SUGCT: variants seen among roughly 807,000 people sequenced by gnomAD.
SUGCT encodes succinyl-CoA:glutarate-CoA transferase.
A neutral mutation model predicts 55.0 loss-of-function variants in SUGCT; 41 were observed. That is an observed-to-expected ratio of 0.74 (90% confidence interval 0.58 to 0.97). The LOEUF is 0.97. SUGCT is among the 50% of genes least tolerant of loss of function. The pLI is 0.00. For synonymous variants in SUGCT, 187 were observed against 200.4 expected (o/e 0.93, Z 0.56); for missense variants, 568 against 547.8 (o/e 1.04, Z -0.37).
chr7:40,633,578 C>T (rs1799891094), intron 12 of SUGCT, among the ~76,000 whole-genome samples: 1 of 152,170 alleles, frequency 6.6e-6, no homozygotes, highest in Non-Finnish European at 1.5e-5. Flanking sequence ...GTGCTTGGTA[C>T]AAAATCAAGC....
At chr7:40,312,578 C>T (rs935314759) in intron 8 of SUGCT, among the ~76,000 whole-genome samples, 4 of 152,164 alleles carry the variant, frequency 2.6e-5, no homozygotes, top group African/African-American at 9.7e-5. Context: ...AGTGACCTAG[C>T]TCGTTCTAGC....
At chr7:40,797,087 T>A (rs1449260641) in intron 13 of SUGCT, among the ~76,000 whole-genome samples, 1 of 152,190 alleles carries the variant, frequency 6.6e-6, no homozygotes, top group African/African-American at 2.4e-5. Context: ...GTCTACAGCA[T>A]GCATTGCATA....
intron 6 of SUGCT, among the ~76,000 whole-genome samples, chr7:40,231,052 G>C (rs1788693629): frequency 6.6e-6 from 1 of 152,144 alleles, no homozygotes; most frequent in African/African-American, 2.4e-5. Flanking sequence ...ATCTTGTTTA[G>C]AAGGGATGAG....
chr7:40,200,963 C>T (rs1786561602), intron 6 of SUGCT, among the ~76,000 whole-genome samples: 2 of 152,044 alleles, frequency 1.3e-5, no homozygotes, highest in Non-Finnish European at 2.9e-5. Context: ...ATCACAGCAA[C>T]GGGAATACAA....
the SUGCT span, among the ~76,000 whole-genome samples, chr7:41,028,289 G>A: frequency 6.6e-6 from 1 of 152,170 alleles, no homozygotes; most frequent in African/African-American, 2.4e-5. Context: ...GAATAAGAGC[G>A]GTCAAAGAAA....
chr7:40,371,208 T>G (rs1784281318), intron 9 of SUGCT, among the ~76,000 whole-genome samples: 1 of 152,074 alleles, frequency 6.6e-6, no homozygotes, highest in Non-Finnish European at 1.5e-5. Flanking sequence ...TTGAAAAGAG[T>G]TTTTTGCTGT....
chr7:40,158,238 T>C (rs1783989913), intron 1 of SUGCT, among the ~76,000 whole-genome samples: 1 of 152,002 alleles, frequency 6.6e-6, no homozygotes, highest in South Asian at 2.1e-4. Flanking sequence ...TTTCCAATTA[T>C]GCAAGGTAGT....
At chr7:40,353,281 A>C (rs940143528) in intron 9 of SUGCT, among the ~76,000 whole-genome samples, 6 of 152,144 alleles carry the variant, frequency 3.9e-5, no homozygotes, top group African/African-American at 1.4e-4. Flanking sequence ...GGATTAGTCT[A>C]AATACGCAAA....
At chr7:40,512,055 T>G (rs1015172596) in intron 12 of SUGCT, among the ~76,000 whole-genome samples, 2 of 152,218 alleles carry the variant, frequency 1.3e-5, no homozygotes, top group Admixed American at 6.5e-5. Context: ...ACAAAACAGA[T>G]TTTTGCTAAT....
intron 13 of SUGCT, among the ~76,000 whole-genome samples, chr7:40,855,421 G>A (rs1459333467): frequency 6.6e-6 from 1 of 151,744 alleles, no homozygotes; most frequent in Non-Finnish European, 1.5e-5. Context: ...CTAAATCCTT[G>A]GGAGCATCTT....
intron 3 of SUGCT, 80 bp downstream of exon 3, chr7:40,182,108 T>C (rs1010374849): frequency 2.5e-6 from 2 of 805,500 alleles, no homozygotes; most frequent in Non-Finnish European, 4.1e-6. Flanking sequence ...CCATGTTTAG[T>C]GTACCTATAA....
chr7:40,888,186 G>A, the SUGCT span, among the ~76,000 whole-genome samples: 3 of 152,134 alleles, frequency 2.0e-5, no homozygotes, highest in Admixed American at 2.0e-4. Context: ...ACTGAAACCT[G>A]GGGCATCTCA....
chr7:40,147,276 C>T (rs1243846895), intron 1 of SUGCT, among the ~76,000 whole-genome samples: 1 of 152,070 alleles, frequency 6.6e-6, no homozygotes, highest in Non-Finnish European at 1.5e-5. Context: ...GAGGTTCAAC[C>T]CCCTCCCCAT....
chr7:40,575,775 G>A (rs963377212), intron 12 of SUGCT, among the ~76,000 whole-genome samples: 2 of 151,730 alleles, frequency 1.3e-5, no homozygotes, highest in Non-Finnish European at 2.9e-5. Flanking sequence ...GTGAAACCCT[G>A]TCTCTACTCA....
intron 13 of SUGCT, among the ~76,000 whole-genome samples, chr7:40,847,419 T>C (rs1161840875): frequency 8.4e-5 from 12 of 142,542 alleles, no homozygotes; most frequent in Non-Finnish European, 1.7e-4. Flanking sequence ...TTCTTTTTTT[T>C]TTTTTTTTTT....
chr7:40,395,515 G>GA (rs1240083037), intron 9 of SUGCT, among the ~76,000 whole-genome samples: 4 of 115,092 alleles, frequency 3.5e-5, no homozygotes, highest in Non-Finnish European at 3.7e-5. Flanking sequence ...AAAAAAAAAA[G>GA]AAAAAAAAAT....
intron 1 of SUGCT, among the ~76,000 whole-genome samples, chr7:40,145,975 G>C (rs1262234927): frequency 6.6e-6 from 1 of 152,204 alleles, no homozygotes; most frequent in Non-Finnish European, 1.5e-5. Flanking sequence ...CGGTAATTAA[G>C]ATTTAGATCC....
At chr7:40,567,349 C>T (rs1294413729) in intron 12 of SUGCT, among the ~76,000 whole-genome samples, 5 of 152,110 alleles carry the variant, frequency 3.3e-5, no homozygotes, top group Non-Finnish European at 7.3e-5. Flanking sequence ...GAAATGCATT[C>T]GAATGGCAAA....
chr7:41,015,577 G>A, the SUGCT span, among the ~76,000 whole-genome samples: 1 of 152,080 alleles, frequency 6.6e-6, no homozygotes, highest in African/African-American at 2.4e-5. Flanking sequence ...TATTACCTTG[G>A]CTTGTAGAAT....
Sources: gnomAD v4.1 joint callset for allele counts (sites outside exome capture counted in the v4.1 genomes callset) on GRCh38, gnomAD v4.1.1 for gene constraint, MANE v1.5 for transcripts, NCBI Gene and HGNC (gene_info 2026-07-23, HGNC 2026-07-21) for gene names.